The following SNCAIP variants were observed in gnomAD, a reference collection of about 807,000 sequenced individuals.
SNCAIP encodes the protein synuclein alpha interacting protein.
Under a neutral mutation model 86.7 loss-of-function variants are expected in SNCAIP, and 43 were observed. That is an observed-to-expected ratio of 0.50 (90% CI 0.39 to 0.64). The LOEUF (loss-of-function observed/expected upper bound fraction) is 0.64, where lower values mean the gene tolerates loss of function less well. Among genes scored for constraint, SNCAIP ranks in the 30% least tolerant of loss-of-function variants. SNCAIP has a pLI of 0.00. For missense variants in SNCAIP, 981 were observed against 1,103.1 expected, an observed-to-expected ratio of 0.89 and a Z score of 1.57; for synonymous variants, 417 against 427.2, an observed-to-expected ratio of 0.98 and a Z score of 0.29.
intron 1 of SNCAIP, among the ~76,000 whole-genome samples, chr5:122,357,272 G>A (rs1030353282): frequency 2.0e-5 from 3 of 152,000 alleles, no homozygotes; most frequent in East Asian, 3.9e-4. Flanking sequence ...GTCTTGCTCT[G>A]TTTCCCAGGC....
chr5:122,370,833 A>T (rs1420032947), intron 1 of SNCAIP, among the ~76,000 whole-genome samples: 1 of 152,174 alleles, frequency 6.6e-6, no homozygotes, highest in Non-Finnish European at 1.5e-5. Flanking sequence ...TTTTCTAATT[A>T]TTCTTCCTAT....
chr5:122,344,813 T>C (rs1758274814), intron 1 of SNCAIP, among the ~76,000 whole-genome samples: 1 of 152,218 alleles, frequency 6.6e-6, no homozygotes. Flanking sequence ...TTTATACTTA[T>C]TTTTTCAGCT....
intron 1 of SNCAIP, among the ~76,000 whole-genome samples, chr5:122,337,160 A>G (rs1756652137): frequency 6.6e-6 from 1 of 152,196 alleles, no homozygotes; most frequent in Non-Finnish European, 1.5e-5. Context: ...ATATGGATAT[A>G]TTGTAGGTAT....
chr5:122,445,353 G>A (rs566343579), intron 8 of SNCAIP, among the ~76,000 whole-genome samples: 6 of 152,132 alleles, frequency 3.9e-5, no homozygotes, highest in Admixed American at 3.9e-4. Context: ...ACTGGTACCA[G>A]TGCATGTCTG....
At chr5:122,314,020 G>T (rs753420920) in intron 1 of SNCAIP, among the ~76,000 whole-genome samples, 2 of 152,198 alleles carry the variant, frequency 1.3e-5, no homozygotes, top group Non-Finnish European at 2.9e-5. Flanking sequence ...GATTTGAAAT[G>T]ATGCTGCATT....
At chr5:122,449,657 CT>C (rs1297492653) in intron 8 of SNCAIP, among the ~76,000 whole-genome samples, 187 bp from the exon 9 acceptor site, 1 of 152,114 alleles carries the variant, frequency 6.6e-6, no homozygotes, top group Non-Finnish European at 1.5e-5. Flanking sequence ...CAATACATAT[CT>C]TTTTGGGGTA....
At chr5:122,423,930 A>T (rs1000337003) in intron 4 of SNCAIP, among the ~76,000 whole-genome samples, 191 bp downstream of exon 4, 1 of 152,240 alleles carries the variant, frequency 6.6e-6, no homozygotes, top group African/African-American at 2.4e-5. Flanking sequence ...CAGGGAAAAC[A>T]AATAACTATA....
intron 1 of SNCAIP, among the ~76,000 whole-genome samples, chr5:122,377,809 G>A (rs367929489): frequency 2.4e-4 from 36 of 149,672 alleles, no homozygotes; most frequent in Middle Eastern, 3.4e-3. Context: ...TTGTTCTTGC[G>A]ATAGTTTACT....
At chr5:122,362,232 T>G (rs1224076028) in intron 1 of SNCAIP, among the ~76,000 whole-genome samples, 2 of 152,232 alleles carry the variant, frequency 1.3e-5, no homozygotes, top group Admixed American at 1.3e-4. Flanking sequence ...AAAGTGTGCC[T>G]ATTTTATAGA....
intron 8 of SNCAIP, among the ~76,000 whole-genome samples, chr5:122,448,366 C>T (rs2152992682): frequency 6.6e-6 from 1 of 151,570 alleles, no homozygotes. Context: ...CCAAGCTAGG[C>T]AGAACACACC....
intron 2 of SNCAIP, among the ~76,000 whole-genome samples, chr5:122,394,472 C>T (rs1211158825): frequency 6.6e-6 from 1 of 152,176 alleles, no homozygotes; most frequent in Non-Finnish European, 1.5e-5. Context: ...TTAAACTATA[C>T]ATTCTTGTAA....
chr5:122,366,051 G>T (rs1374030897), intron 1 of SNCAIP, among the ~76,000 whole-genome samples: 1 of 152,046 alleles, frequency 6.6e-6, no homozygotes, highest in Non-Finnish European at 1.5e-5. Context: ...ATTAGTCAGG[G>T]TCAAGTCAAC....
At chr5:122,350,216 G>A (rs1224221290) in intron 1 of SNCAIP, among the ~76,000 whole-genome samples, 3 of 152,126 alleles carry the variant, frequency 2.0e-5, no homozygotes, top group African/African-American at 4.8e-5. Context: ...CAGCTAAAAA[G>A]ATTTGTAAAT....
chr5:122,318,966 C>CTT (rs58667095), intron 1 of SNCAIP, among the ~76,000 whole-genome samples: 4 of 130,644 alleles, frequency 3.1e-5, no homozygotes, highest in Admixed American at 8.0e-5. Context: ...CTGTTATCAT[C>CTT]TTTTTTTTTT....
At chr5:122,379,665 T>C (rs1344220175) in intron 1 of SNCAIP, among the ~76,000 whole-genome samples, 1 of 151,978 alleles carries the variant, frequency 6.6e-6, no homozygotes. Flanking sequence ...AGTATGATAT[T>C]GGCTGTGAGT....
At chr5:122,459,483 T>C (rs889276986) in intron 10 of SNCAIP, among the ~76,000 whole-genome samples, 4 of 152,340 alleles carry the variant, frequency 2.6e-5, no homozygotes, top group Admixed American at 6.5e-5. Context: ...CATGCCAGAA[T>C]TACCCAAACA....
chr5:122,451,557 A>C lies in SNCAIP; in HGVS notation c.2710A>C (p.Lys904Gln). The change falls in exon 10 of 11, where the codon AAG (lysine) becomes CAG (glutamine). Residue 904 changes from lysine (K) to glutamine (Q), a missense_variant. Lys to Gln is a moderately conservative substitution (Grantham distance 53, BLOSUM62 1). Transcript: ENST00000261368. ...LTSLGRKTDA[K>Q]GNPASSASKG... ...CTCACTTGGGAGGAAGACAGATGCC[A>C]AGGGAAACCCTGCCAGCTCCGCTAG... The C allele has an allele frequency of 6.2e-7, 1 of 1,613,774 alleles. No individual in the cohort carries two copies. Among genetic ancestry groups the C allele is most frequent in the Non-Finnish European group, 8.5e-7 (1 of 1,179,944 alleles).
At chr5:122,332,800 G>T (rs150842116) in intron 1 of SNCAIP, among the ~76,000 whole-genome samples, 1 of 152,196 alleles carries the variant, frequency 6.6e-6, no homozygotes, top group African/African-American at 2.4e-5. Flanking sequence ...GTGCTTAAGG[G>T]CTTTGCTGTG....
intron 7 of SNCAIP, among the ~76,000 whole-genome samples, chr5:122,442,215 G>A (rs1781170228): frequency 6.8e-6 from 1 of 147,250 alleles, no homozygotes. Flanking sequence ...GGCCCTCCTG[G>A]GTGCAAGATA....
Sources: allele counts gnomAD v4.1 joint callset (sites outside exome capture counted in the v4.1 genomes callset), GRCh38; gene constraint gnomAD v4.1.1; transcripts MANE v1.5; gene names NCBI Gene and HGNC (gene_info 2026-07-23, HGNC 2026-07-21).